The following ENOPH1 variants were observed in gnomAD, a reference collection of about 807,000 sequenced individuals.
ENOPH1 encodes the protein enolase-phosphatase 1.
A neutral mutation model predicts 31.1 loss-of-function variants in ENOPH1; 14 were observed. The observed-to-expected ratio is 0.45, with a 90% CI of 0.30 to 0.70. ENOPH1 has a LOEUF of 0.70. Among genes scored for constraint, ENOPH1 ranks in the 30% least tolerant of loss-of-function variants. ENOPH1 has a pLI of 0.09. For missense variants in ENOPH1, 243 were observed against 321.5 expected (o/e 0.76, Z 1.87); for synonymous variants, 127 against 123.2 (o/e 1.03, Z -0.21).
intron 2 of ENOPH1, 113 bp downstream of exon 2, chr4:82,448,134 A>G (rs4285076): frequency 0.72 from 442,509 of 613,924 alleles, 164,011 homozygotes; most frequent in African/African-American, 0.93. Flanking sequence ...GATAGGGGAT[A>G]GAAGTTGCAG....
At chr4:82,434,759 T>C (rs1721863056) in intron 1 of ENOPH1, among the ~76,000 whole-genome samples, 1 of 151,742 alleles carries the variant, frequency 6.6e-6, no homozygotes, top group Non-Finnish European at 1.5e-5. Context: ...ATTCAAAAAT[T>C]AGCTGGGCAT....
chr4:82,444,874 A>T (rs770712876), intron 1 of ENOPH1, among the ~76,000 whole-genome samples: 3 of 152,224 alleles, frequency 2.0e-5, no homozygotes, highest in Non-Finnish European at 4.4e-5. Flanking sequence ...CATATTTGTC[A>T]TACTATAGTA....
At chr4:82,449,326 C>T (rs114888086) in intron 2 of ENOPH1, among the ~76,000 whole-genome samples, 149 of 152,282 alleles carry the variant, frequency 9.8e-4, no homozygotes, top group African/African-American at 3.5e-3. Context: ...TTAGTCTGTT[C>T]TCACATTGCT....
In ENOPH1 at chr4:82,460,847, T is replaced by G. The variant is rs2110049984; in HGVS notation, c.*727T>G. On this transcript the variant is annotated 3_prime_UTR_variant, in exon 6 of 6. Transcript: ENST00000273920. ...TCCTGCCACGTGTTATCATTATAGA[T>G]TTTATAGTTGCCTTTCTAACTACTT... 1 of 152,370 alleles carries G rather than the reference T, an allele frequency of 6.6e-6. No homozygotes were observed. The highest frequency in any genetic ancestry group is 1.9e-4 in the East Asian group (1 of 5,190). The allele number at this position is 152,370 out of a possible 1,614,324, so 9.4% of individuals were successfully genotyped here. A position where few individuals can be genotyped will look rare whatever the true frequency, so the allele number is the denominator to read the frequency against.
intron 1 of ENOPH1, among the ~76,000 whole-genome samples, chr4:82,446,446 T>C (rs1419416560): frequency 6.6e-6 from 1 of 151,024 alleles, no homozygotes; most frequent in Non-Finnish European, 1.5e-5. Flanking sequence ...ACATATTAAG[T>C]GGTAAGATGC....
intron 1 of ENOPH1, among the ~76,000 whole-genome samples, chr4:82,444,521 T>C (rs1280149006): frequency 6.6e-6 from 1 of 152,246 alleles, no homozygotes; most frequent in Non-Finnish European, 1.5e-5. Context: ...AGTTTGATTT[T>C]TATTAATTCT....
intron 1 of ENOPH1, among the ~76,000 whole-genome samples, chr4:82,444,502 G>A (rs538049261): frequency 2.0e-5 from 3 of 152,216 alleles, no homozygotes; most frequent in East Asian, 1.9e-4. Context: ...GAATAAATAC[G>A]GTAACAACAG....
intron 1 of ENOPH1, among the ~76,000 whole-genome samples, chr4:82,433,548 A>G (rs536165153): frequency 5.4e-4 from 83 of 152,320 alleles, no homozygotes; most frequent in Non-Finnish European, 8.2e-4. Context: ...TTTGTTAGAC[A>G]TGAATTTATC....
intron 1 of ENOPH1, among the ~76,000 whole-genome samples, chr4:82,434,143 A>G (rs1265364849): frequency 6.6e-6 from 1 of 152,124 alleles, no homozygotes; most frequent in Non-Finnish European, 1.5e-5. Flanking sequence ...TATTCATAAA[A>G]ACTCTTATTT....
At chr4:82,438,889 T>C (rs191376331) in intron 1 of ENOPH1, among the ~76,000 whole-genome samples, 6 of 152,370 alleles carry the variant, frequency 3.9e-5, no homozygotes, top group Admixed American at 2.6e-4. Flanking sequence ...GTATTCTTTT[T>C]TACAATAAAA....
chr4:82,454,888 C>G, intron 4 of ENOPH1, 34 bp downstream of exon 4: 2 of 1,578,280 alleles, frequency 1.3e-6, no homozygotes, highest in Non-Finnish European at 1.7e-6. Flanking sequence ...TGTTTTGACG[C>G]TATCAAAGCA....
In ENOPH1 at chr4:82,451,181, G is replaced by T; in HGVS notation, c.325G>T (p.Ala109Ser). Residue 109 changes from alanine to serine, a missense_variant, in exon 3 of 6, where the codon GCA (alanine) becomes TCA (serine). Ala to Ser is a moderately conservative substitution (Grantham distance 99). Transcript: ENST00000273920. The stretch of plus-strand genomic sequence containing the variant: ...GATGTCCCTGGATCGAAAGACCACT[G>T]CACTCAAACAGCTGCAGGGCCACAT... ...WQMSLDRKTTALKQLQGHMWR... is the reference protein window; with the variant it reads ...WQMSLDRKTTSLKQLQGHMWR... The T allele has an allele frequency of 6.2e-7, 1 of 1,614,218 alleles. No individual in the cohort carries two copies. The highest frequency in any genetic ancestry group is 8.5e-7 in the Non-Finnish European group (1 of 1,180,040).
intron 5 of ENOPH1, among the ~76,000 whole-genome samples, chr4:82,458,563 A>G (rs955720787): frequency 2.0e-5 from 3 of 152,202 alleles, no homozygotes; most frequent in African/African-American, 7.2e-5. Context: ...AGTATGAAAA[A>G]GTGTCTCAGC....
At chr4:82,451,773 T>C (rs1722358870) in intron 3 of ENOPH1, among the ~76,000 whole-genome samples, 1 of 152,140 alleles carries the variant, frequency 6.6e-6, no homozygotes, top group South Asian at 2.1e-4. Context: ...GACTTTTGAG[T>C]ATTATACTTA....
intron 3 of ENOPH1, 79 bp downstream of exon 3, chr4:82,451,324 G>A (rs41279289): frequency 1.3e-4 from 171 of 1,367,050 alleles, no homozygotes; most frequent in South Asian, 6.6e-4. Flanking sequence ...TCTTTCCAGC[G>A]TAAGTCACAA....
intron 2 of ENOPH1, among the ~76,000 whole-genome samples, chr4:82,448,813 C>G (rs1398985973): frequency 6.6e-6 from 1 of 151,442 alleles, no homozygotes; most frequent in African/African-American, 2.4e-5. Flanking sequence ...AATCCCAGCA[C>G]TTTGGGAGGC....
chr4:82,445,513 T>C (rs1722152985), intron 1 of ENOPH1, among the ~76,000 whole-genome samples: 1 of 152,182 alleles, frequency 6.6e-6, no homozygotes, highest in African/African-American at 2.4e-5. Flanking sequence ...TGGAGTGCAG[T>C]GGTGCAATCA....
At chr4:82,440,600 C>T (rs773327570) in intron 1 of ENOPH1, among the ~76,000 whole-genome samples, 3 of 152,170 alleles carry the variant, frequency 2.0e-5, no homozygotes, top group Admixed American at 2.0e-4. Context: ...GGACTCTGGG[C>T]CAGTCAAGTT....
At chr4:82,439,281 C>G (rs1721982350) in intron 1 of ENOPH1, among the ~76,000 whole-genome samples, 1 of 152,134 alleles carries the variant, frequency 6.6e-6, no homozygotes, top group African/African-American at 2.4e-5. Flanking sequence ...TTTCTTAAGT[C>G]TAAAAAGTGT....
Sources: allele counts gnomAD v4.1 joint callset (sites outside exome capture counted in the v4.1 genomes callset), GRCh38; gene constraint gnomAD v4.1.1; transcripts MANE v1.5; gene names NCBI Gene and HGNC (gene_info 2026-07-23, HGNC 2026-07-21).